The following SLIT3 variants were observed in gnomAD, a reference collection of about 807,000 sequenced individuals.
The protein encoded by SLIT3 is slit guidance ligand 3.
Under a neutral mutation model 184.0 loss-of-function variants are expected in SLIT3, and 68 were observed. The observed-to-expected ratio is 0.37, with a 90% confidence interval of 0.30 to 0.45. The LOEUF is 0.45. SLIT3 is among the 20% of genes least tolerant of loss of function. The pLI, the probability that SLIT3 is intolerant of heterozygous loss-of-function variation, is 1.00. For synonymous variants in SLIT3, 831 were observed against 828.6 expected (o/e 1.00, Z -0.05); for missense variants, 1,707 against 2,026.0 (o/e 0.84, Z 3.02).
intron 3 of SLIT3, among the ~76,000 whole-genome samples, chr5:169,208,617 C>T (rs1764153943): frequency 6.6e-6 from 1 of 152,166 alleles, no homozygotes; most frequent in Non-Finnish European, 1.5e-5. Context: ...ACAGAGGCCT[C>T]AGAAATAACT....
intron 16 of SLIT3, among the ~76,000 whole-genome samples, chr5:168,755,908 G>T (rs577610319): frequency 6.6e-6 from 1 of 152,226 alleles, no homozygotes; most frequent in Non-Finnish European, 1.5e-5. Context: ...TGGGGGGCTT[G>T]TGTGGACCAT....
intron 4 of SLIT3, among the ~76,000 whole-genome samples, chr5:169,119,210 C>A (rs1760795221): frequency 6.6e-6 from 1 of 152,218 alleles, no homozygotes; most frequent in African/African-American, 2.4e-5. Context: ...AAACAGACTT[C>A]TTCAGCCTTG....
intron 4 of SLIT3, among the ~76,000 whole-genome samples, chr5:168,886,643 C>T (rs1214884039): frequency 6.6e-6 from 1 of 152,060 alleles, no homozygotes; most frequent in African/African-American, 2.4e-5. Flanking sequence ...TTTCTAAACA[C>T]TAGAAGAAAG....
At chr5:168,850,807 G>A (rs1293649737) in intron 5 of SLIT3, among the ~76,000 whole-genome samples, 1 of 152,182 alleles carries the variant, frequency 6.6e-6, no homozygotes, top group African/African-American at 2.4e-5. Context: ...ATCCACTCCA[G>A]TAGATGCTCC....
At chr5:169,127,797 C>T (rs574161314) in intron 4 of SLIT3, among the ~76,000 whole-genome samples, 14 of 152,176 alleles carry the variant, frequency 9.2e-5, no homozygotes, top group South Asian at 2.1e-4. Context: ...CAGTGACATA[C>T]GGCAAATTAG....
chr5:169,129,826 T>TTTTGTTTG (rs374300617), intron 4 of SLIT3, among the ~76,000 whole-genome samples: 29 of 151,130 alleles, frequency 1.9e-4, no homozygotes, highest in African/African-American at 5.1e-4. Flanking sequence ...TGGTGGTTTT[T>TTTTGTTTG]TTTGTTTGTT....
intron 5 of SLIT3, among the ~76,000 whole-genome samples, chr5:168,846,541 C>T (rs1031294973): frequency 6.6e-6 from 1 of 152,122 alleles, no homozygotes; most frequent in African/African-American, 2.4e-5. Context: ...CTACCCCACG[C>T]CAAGGCCACC....
At chr5:169,033,004 C>T (rs1757094223) in intron 4 of SLIT3, among the ~76,000 whole-genome samples, 1 of 136,724 alleles carries the variant, frequency 7.3e-6, no homozygotes, top group Non-Finnish European at 1.5e-5. Context: ...AAATATAGCA[C>T]AGTTTTCTTA....
At chr5:168,852,510 A>G (rs891142316) in intron 5 of SLIT3, among the ~76,000 whole-genome samples, 2 of 152,230 alleles carry the variant, frequency 1.3e-5, no homozygotes, top group African/African-American at 2.4e-5. Context: ...CAAGATGGCA[A>G]ACATCCCCAC....
intron 4 of SLIT3, among the ~76,000 whole-genome samples, chr5:169,040,516 C>A (rs1480400367): frequency 6.6e-6 from 1 of 152,206 alleles, no homozygotes; most frequent in Non-Finnish European, 1.5e-5. Context: ...AAACCCTCAT[C>A]CCCATCCTGC....
intron 20 of SLIT3, among the ~76,000 whole-genome samples, chr5:168,745,196 T>A (rs1265978099): frequency 1.2e-4 from 19 of 152,174 alleles, no homozygotes; most frequent in Non-Finnish European, 8.8e-5. Flanking sequence ...GAATTAGAAG[T>A]GGAGCCTGAA....
At chr5:169,284,975 ATC>A (rs1442292215) in intron 1 of SLIT3, among the ~76,000 whole-genome samples, 3 of 152,042 alleles carry the variant, frequency 2.0e-5, no homozygotes, top group Non-Finnish European at 4.4e-5. Flanking sequence ...CAGTGGTGCA[ATC>A]ATGGCTCACT....
chr5:169,020,746 C>T (rs1210265307), intron 4 of SLIT3, among the ~76,000 whole-genome samples: 1 of 152,170 alleles, frequency 6.6e-6, no homozygotes, highest in East Asian at 1.9e-4. Context: ...GGGATTGCTA[C>T]CTATGTAAAG....
intron 4 of SLIT3, among the ~76,000 whole-genome samples, chr5:169,171,707 T>C (rs1007066483): frequency 3.9e-5 from 6 of 152,202 alleles, no homozygotes; most frequent in Non-Finnish European, 8.8e-5. Context: ...TGAATATTCA[T>C]TGCTTTGGAG....
intron 8 of SLIT3, among the ~76,000 whole-genome samples, chr5:168,812,164 A>C (rs1757178373): frequency 6.6e-6 from 1 of 152,206 alleles, no homozygotes; most frequent in Non-Finnish European, 1.5e-5. Flanking sequence ...GATCTCATAG[A>C]AGTAGAAAGG....
At chr5:168,841,741 A>C (rs73805249) in intron 6 of SLIT3, among the ~76,000 whole-genome samples, 8,414 of 152,280 alleles carry the variant, frequency 0.055, 782 homozygotes, top group African/African-American at 0.19. Flanking sequence ...GGGTTATTGC[A>C]TGCGAAATAC....
chr5:168,723,150 T>C (rs1297019257), intron 21 of SLIT3, 146 bp from the exon 22 acceptor site: 6 of 662,136 alleles, frequency 9.1e-6, no homozygotes, highest in Non-Finnish European at 1.7e-5. Flanking sequence ...CACTCACTCA[T>C]CTATCCATCC....
chr5:169,020,564 CTCAA>C (rs1299398466), intron 4 of SLIT3, among the ~76,000 whole-genome samples: 7 of 152,216 alleles, frequency 4.6e-5, no homozygotes, highest in Non-Finnish European at 1.5e-5. Flanking sequence ...AGAAATAAAC[CTCAA>C]TCAATTTGAG....
At position 168,696,785 on chromosome 5, in the gene SLIT3, G is replaced by T. The variant is rs190263143; in HGVS notation, c.2943-354C>A. Among the ~76,000 whole-genome samples, 222 of 152,242 alleles carry T rather than the reference G, an allele frequency of 1.5e-3. 2 individuals are homozygous for T. Among genetic ancestry groups the T allele is most frequent in the East Asian group, 2.1e-3 (11 of 5,174 alleles). On this transcript the variant is annotated intron_variant, in intron 27 of 35. Coordinates refer to ENST00000519560, the MANE Select transcript of SLIT3 (RefSeq NM_003062.4). ...AATTCCTCCAGCTGTCCTCCAAACT[G>T]CCCTCCCTTTGGCTCTTCTGAGGCA...
Sources: gnomAD v4.1 joint callset for allele counts (sites outside exome capture counted in the v4.1 genomes callset) on GRCh38, gnomAD v4.1.1 for gene constraint, MANE v1.5 for transcripts, NCBI Gene and HGNC (gene_info 2026-07-23, HGNC 2026-07-21) for gene names.